The following RPS6KC1 variants were observed in gnomAD, a reference collection of about 807,000 sequenced individuals.
RPS6KC1 encodes the protein ribosomal protein S6 kinase C1.
In RPS6KC1, 54 loss-of-function variants were observed where a neutral mutation model predicts 103.8. The ratio of observed to expected loss-of-function variants is 0.52; its 90% CI spans 0.42 to 0.65. The LOEUF (loss-of-function observed/expected upper bound fraction) is 0.65, where lower values mean the gene tolerates loss of function less well. Ranked by LOEUF, RPS6KC1 falls within the 30% of genes least tolerant of loss-of-function variation. The pLI is 0.00. For synonymous variants in RPS6KC1, 439 were observed against 438.7 expected (o/e 1.00, Z -0.01); for missense variants, 1,151 against 1,253.8 (o/e 0.92, Z 1.24).
chr1:213,203,434 A>C (rs2093235411), intron 8 of RPS6KC1, among the ~76,000 whole-genome samples: 2 of 152,102 alleles, frequency 1.3e-5, no homozygotes. Flanking sequence ...CTGTCATTTT[A>C]ATGTGCAATT....
the RPS6KC1 span, among the ~76,000 whole-genome samples, chr1:213,688,358 A>G: frequency 6.6e-6 from 1 of 152,136 alleles, no homozygotes; most frequent in Non-Finnish European, 1.5e-5. Context: ...CTTTTATTGT[A>G]TAAGCACAAC....
At chr1:213,521,335 C>G in the RPS6KC1 span, among the ~76,000 whole-genome samples, 2 of 152,206 alleles carry the variant, frequency 1.3e-5, no homozygotes, top group Non-Finnish European at 2.9e-5. Flanking sequence ...AATGCACAAA[C>G]TTTAATTAAA....
At chr1:213,531,606 A>G in the RPS6KC1 span, among the ~76,000 whole-genome samples, 4 of 152,184 alleles carry the variant, frequency 2.6e-5, no homozygotes, top group Admixed American at 6.5e-5. Context: ...CTTGCTAGAA[A>G]ACAGCAGTTC....
At chr1:213,168,067 A>AT (rs981313228) in intron 7 of RPS6KC1, 94 bp downstream of exon 7, 7 of 666,228 alleles carry the variant, frequency 1.1e-5, no homozygotes, top group African/African-American at 7.5e-5. Flanking sequence ...TAGGATTTTG[A>AT]TTTTTTGAAT....
chr1:213,852,748 A>C, the RPS6KC1 span, among the ~76,000 whole-genome samples: 1 of 152,244 alleles, frequency 6.6e-6, no homozygotes, highest in African/African-American at 2.4e-5. Context: ...AAAGGCAGAG[A>C]GACAAACATA....
At chr1:213,196,024 G>A (rs61834140) in intron 8 of RPS6KC1, among the ~76,000 whole-genome samples, 1,595 of 152,176 alleles carry the variant, frequency 0.01, 11 homozygotes, top group Middle Eastern at 0.017. Flanking sequence ...TCAAATGTTA[G>A]TTCTACTGTT....
the RPS6KC1 span, among the ~76,000 whole-genome samples, chr1:213,590,485 G>A: frequency 1.4e-3 from 213 of 152,268 alleles, no homozygotes; most frequent in Non-Finnish European, 2.7e-3. Context: ...TAGAAGAGAC[G>A]GGACAGAAGT....
At chr1:213,165,209 T>C (rs1164352157) in intron 6 of RPS6KC1, among the ~76,000 whole-genome samples, 2 of 152,046 alleles carry the variant, frequency 1.3e-5, no homozygotes, top group Non-Finnish European at 1.5e-5. Flanking sequence ...TTTTAAGGGA[T>C]TGATAAGGAA....
chr1:213,246,818 G>A (rs1442416173), intron 12 of RPS6KC1, among the ~76,000 whole-genome samples: 1 of 151,932 alleles, frequency 6.6e-6, no homozygotes, highest in Non-Finnish European at 1.5e-5. Flanking sequence ...GTATGAGACT[G>A]CAGTGTGCTA....
the RPS6KC1 span, among the ~76,000 whole-genome samples, chr1:213,359,478 A>G: frequency 6.6e-6 from 1 of 152,152 alleles, no homozygotes; most frequent in East Asian, 1.9e-4. Context: ...TCTCTTGAAT[A>G]TAGCACACTG....
chr1:213,593,941 C>T, the RPS6KC1 span, among the ~76,000 whole-genome samples: 1 of 152,198 alleles, frequency 6.6e-6, no homozygotes, highest in African/African-American at 2.4e-5. Flanking sequence ...TCTTGGCTCA[C>T]TGCAACCTCT....
the RPS6KC1 span, among the ~76,000 whole-genome samples, chr1:213,700,697 T>C: frequency 0.013 from 2,008 of 152,234 alleles, 12 homozygotes; most frequent in Non-Finnish European, 0.019. Context: ...ATGTGAAATA[T>C]CTTTCCAGTT....
At chr1:213,083,829 A>G (rs1448445049) in intron 3 of RPS6KC1, among the ~76,000 whole-genome samples, 2 of 152,154 alleles carry the variant, frequency 1.3e-5, no homozygotes, top group African/African-American at 4.8e-5. Context: ...CTGTTAGCAT[A>G]TGCAGAAGGG....
chr1:213,578,416 G>A, the RPS6KC1 span, among the ~76,000 whole-genome samples: 14 of 152,184 alleles, frequency 9.2e-5, no homozygotes, highest in African/African-American at 2.4e-4. Context: ...GAGGGCCACC[G>A]TCCTCCAAAC....
At chr1:213,808,994 A>G in the RPS6KC1 span, among the ~76,000 whole-genome samples, 1 of 152,172 alleles carries the variant, frequency 6.6e-6, no homozygotes, top group Non-Finnish European at 1.5e-5. Flanking sequence ...TCCTTTAAGG[A>G]CTTTTCCTTG....
the RPS6KC1 span, among the ~76,000 whole-genome samples, chr1:213,718,342 C>A: frequency 6.6e-6 from 1 of 152,196 alleles, no homozygotes; most frequent in African/African-American, 2.4e-5. Context: ...TTTATTTGAT[C>A]TTCATAACAA....
chr1:213,521,820 C>G, the RPS6KC1 span, among the ~76,000 whole-genome samples: 4 of 152,178 alleles, frequency 2.6e-5, no homozygotes, highest in Non-Finnish European at 5.9e-5. Flanking sequence ...TCTTCAGGTT[C>G]TCTTCTAATT....
intron 1 of RPS6KC1, among the ~76,000 whole-genome samples, chr1:213,052,437 A>G (rs530145588): frequency 3.9e-5 from 6 of 152,112 alleles, no homozygotes; most frequent in Non-Finnish European, 5.9e-5. Flanking sequence ...TCCAAGTTAT[A>G]TAAAATGTTA....
At chr1:213,648,270 G>C in the RPS6KC1 span, among the ~76,000 whole-genome samples, 1 of 152,076 alleles carries the variant, frequency 6.6e-6, no homozygotes, top group African/African-American at 2.4e-5. Flanking sequence ...TACAGTTTGG[G>C]AACTATGGCT....
Sources: allele counts gnomAD v4.1 joint callset (sites outside exome capture counted in the v4.1 genomes callset), GRCh38; gene constraint gnomAD v4.1.1; transcripts MANE v1.5; gene names NCBI Gene and HGNC (gene_info 2026-07-23, HGNC 2026-07-21).